The following BMPR1B variants were observed in gnomAD, a reference collection of about 807,000 sequenced individuals.
BMPR1B encodes bone morphogenetic protein receptor type-1B.
In BMPR1B, 12 loss-of-function variants were observed where a neutral mutation model predicts 59.1. The ratio of observed to expected loss-of-function variants is 0.20; its 90% confidence interval spans 0.13 to 0.33. The LOEUF (loss-of-function observed/expected upper bound fraction) is 0.33. BMPR1B is among the 10% of genes least tolerant of loss of function. BMPR1B has a pLI of 1.00. For synonymous variants in BMPR1B, 237 were observed against 207.3 expected, an observed-to-expected ratio of 1.14 and a Z score of -1.23; for missense variants, 550 against 610.9, an observed-to-expected ratio of 0.90 and a Z score of 1.05.
At chr4:94,780,434 G>A (rs188338897) in intron 1 of BMPR1B, among the ~76,000 whole-genome samples, 31 of 152,176 alleles carry the variant, frequency 2.0e-4, no homozygotes, top group Non-Finnish European at 3.7e-4. Context: ...ATGGACATTT[G>A]TGTTGTTTAT....
intron 2 of BMPR1B, among the ~76,000 whole-genome samples, chr4:94,906,961 T>C (rs1032950734): frequency 6.6e-6 from 1 of 152,086 alleles, no homozygotes; most frequent in African/African-American, 2.4e-5. Context: ...TCTTGGATTA[T>C]CTCTCTGTAG....
chr4:95,128,467 T>C (rs1031374566), intron 8 of BMPR1B, among the ~76,000 whole-genome samples: 16 of 152,318 alleles, frequency 1.1e-4, no homozygotes, highest in Middle Eastern at 6.8e-3. Context: ...CTTGGAACCA[T>C]TGATATCAGA....
chr4:95,101,944 C>A (rs150865124), intron 3 of BMPR1B, among the ~76,000 whole-genome samples: 1,802 of 152,142 alleles, frequency 0.012, 17 homozygotes, highest in Middle Eastern at 0.017. Flanking sequence ...GCCCCTTTTT[C>A]TCTTATTATA....
At chr4:94,814,854 A>G (rs1578675166) in intron 1 of BMPR1B, among the ~76,000 whole-genome samples, 1 of 152,126 alleles carries the variant, frequency 6.6e-6, no homozygotes, top group Non-Finnish European at 1.5e-5. Flanking sequence ...TAAAAAAGGT[A>G]TTTTAACTCT....
chr4:95,154,768 A>G lies in BMPR1B; in HGVS notation c.*95A>G, dbSNP rs532348507. The G allele has an allele frequency of 1.3e-6, 2 of 1,557,424 alleles. No homozygotes were observed. The highest frequency in any genetic ancestry group is 1.1e-5 in the South Asian group (1 of 88,436). ...GACATCAAATAAGCATCCACAGTAC[A>G]AGCCTTGAACATCGTCCTGCTTCCC... On this transcript the variant is annotated 3_prime_UTR_variant, in exon 13 of 13. Coordinates refer to ENST00000515059, the MANE Select transcript of BMPR1B (RefSeq NM_001203.3).
At chr4:95,131,671 A>G (rs1289067807) in intron 10 of BMPR1B, among the ~76,000 whole-genome samples, 159 bp downstream of exon 10, 1 of 152,162 alleles carries the variant, frequency 6.6e-6, no homozygotes, top group Non-Finnish European at 1.5e-5. Context: ...AACACAGCAT[A>G]TTTGGGTCTG....
At chr4:95,006,485 A>G (rs1231003653) in intron 3 of BMPR1B, among the ~76,000 whole-genome samples, 3 of 150,744 alleles carry the variant, frequency 2.0e-5, no homozygotes, top group Non-Finnish European at 4.4e-5. Context: ...TTAAATGACA[A>G]TACTTACGAT....
At chr4:94,978,783 C>T (rs1731122756) in intron 2 of BMPR1B, among the ~76,000 whole-genome samples, 1 of 152,046 alleles carries the variant, frequency 6.6e-6, no homozygotes, top group South Asian at 2.1e-4. Context: ...TGTTCTCATG[C>T]TGCTAATAAA....
chr4:94,762,023 G>T (rs1435228219), intron 1 of BMPR1B, among the ~76,000 whole-genome samples: 1 of 152,178 alleles, frequency 6.6e-6, no homozygotes, highest in East Asian at 1.9e-4. Flanking sequence ...AGACAAAAAG[G>T]ACATTTTGTT....
intron 1 of BMPR1B, among the ~76,000 whole-genome samples, chr4:94,782,373 T>G (rs1302080088): frequency 1.3e-5 from 2 of 152,148 alleles, no homozygotes; most frequent in African/African-American, 4.8e-5. Context: ...TGGTGCAATC[T>G]TGGCTCACTG....
At chr4:94,945,578 G>A (rs1033166546) in intron 2 of BMPR1B, among the ~76,000 whole-genome samples, 10 of 152,100 alleles carry the variant, frequency 6.6e-5, no homozygotes, top group Non-Finnish European at 1.5e-4. Flanking sequence ...GGGACTACAA[G>A]TACATGCCAT....
intron 1 of BMPR1B, among the ~76,000 whole-genome samples, chr4:94,850,148 C>T (rs1725512342): frequency 6.6e-6 from 1 of 152,020 alleles, no homozygotes; most frequent in South Asian, 2.1e-4. Flanking sequence ...CAACATAATC[C>T]TTCCTGACTT....
intron 2 of BMPR1B, among the ~76,000 whole-genome samples, chr4:94,966,985 A>T (rs994101526): frequency 1.3e-5 from 2 of 152,148 alleles, no homozygotes; most frequent in African/African-American, 4.8e-5. Context: ...CCTGTAATGG[A>T]ACAATTATTT....
intron 1 of BMPR1B, among the ~76,000 whole-genome samples, chr4:94,778,482 C>T (rs1378846958): frequency 6.6e-6 from 1 of 152,102 alleles, no homozygotes; most frequent in Non-Finnish European, 1.5e-5. Flanking sequence ...TTTCCATTTA[C>T]TTCCTGATAG....
At chr4:95,049,974 T>C (rs1726359616) in intron 3 of BMPR1B, among the ~76,000 whole-genome samples, 1 of 152,034 alleles carries the variant, frequency 6.6e-6, no homozygotes, top group Non-Finnish European at 1.5e-5. Context: ...CTTTCAGCCA[T>C]TTATAGAAGC....
chr4:94,987,732 C>T (rs1416332644), intron 2 of BMPR1B, among the ~76,000 whole-genome samples: 2 of 152,096 alleles, frequency 1.3e-5, no homozygotes, highest in African/African-American at 4.8e-5. Context: ...ATTCCGGTTG[C>T]ACTGCCTAAT....
At position 94,758,018 on chromosome 4, in the gene BMPR1B, A is replaced by G. The variant is rs974675812; in HGVS notation, c.-233A>G. Reference sequence around the variant, plus strand: ...GGCGGGGCCTCGCGGGACGCCGGGCAGTGCGGAGACCGCGGCGCTGAGGAC... The same window carrying G: ...GGCGGGGCCTCGCGGGACGCCGGGCGGTGCGGAGACCGCGGCGCTGAGGAC... On this transcript the variant is annotated 5_prime_UTR_variant, in exon 1 of 13. Coordinates refer to ENST00000515059, the MANE Select transcript of BMPR1B (RefSeq NM_001203.3). 2.1e-5 allele frequency: 3 copies of G among 143,414 alleles called. No individual in the cohort carries two copies. The highest frequency in any genetic ancestry group is 3.1e-5 in the Non-Finnish European group (2 of 65,354). 8.9% of individuals were successfully genotyped at this position (143,414 alleles called of 1,614,324 possible). A position where few individuals can be genotyped will look rare whatever the true frequency, so the allele number is the denominator to read the frequency against.
intron 3 of BMPR1B, among the ~76,000 whole-genome samples, chr4:95,096,488 G>A (rs1229446364): frequency 1.3e-5 from 2 of 150,608 alleles, no homozygotes; most frequent in Non-Finnish European, 3.0e-5. Flanking sequence ...TTCTATTTTT[G>A]TATTATTCCT....
intron 1 of BMPR1B, among the ~76,000 whole-genome samples, chr4:94,825,457 AT>A (rs1199823978): frequency 2.0e-5 from 3 of 152,302 alleles, no homozygotes; most frequent in Middle Eastern, 3.4e-3. Context: ...GTGAGCTATT[AT>A]CATGCCACTG....
Sources: gnomAD v4.1 joint callset for allele counts (sites outside exome capture counted in the v4.1 genomes callset) on GRCh38, gnomAD v4.1.1 for gene constraint, MANE v1.5 for transcripts, NCBI Gene and HGNC (gene_info 2026-07-23, HGNC 2026-07-21) for gene names.